CDYL2: variants seen among roughly 807,000 people sequenced by gnomAD.
CDYL2 encodes chromodomain Y-like protein 2.
CDYL2 carries 23 observed loss-of-function variants against 49.4 expected under a neutral mutation model. That is an observed-to-expected ratio of 0.47 (90% confidence interval 0.34 to 0.66). The LOEUF (loss-of-function observed/expected upper bound fraction) is 0.66, where lower values mean the gene tolerates loss of function less well. CDYL2 is among the 30% of genes least tolerant of loss of function. The pLI is 0.01. For missense variants in CDYL2, 678 were observed against 656.4 expected, an observed-to-expected ratio of 1.03 and a Z score of -0.36; for synonymous variants, 360 against 268.8, an observed-to-expected ratio of 1.34 and a Z score of -3.32.
intron 1 of CDYL2, among the ~76,000 whole-genome samples, chr16:80,791,109 T>C (rs1447179444): frequency 3.3e-5 from 5 of 152,210 alleles, no homozygotes; most frequent in Admixed American, 2.6e-4. Flanking sequence ...ATTTCCAAGA[T>C]TCAGCAATCC....
At chr16:80,714,126 ATT>A (rs1904714924) in intron 1 of CDYL2, among the ~76,000 whole-genome samples, 1 of 152,196 alleles carries the variant, frequency 6.6e-6, no homozygotes, top group African/African-American at 2.4e-5. Flanking sequence ...ATATTTATAT[ATT>A]CAAATGTAAA....
intron 2 of CDYL2, among the ~76,000 whole-genome samples, chr16:80,660,223 C>T (rs79470136): frequency 0.013 from 1,902 of 151,730 alleles, 12 homozygotes; most frequent in Middle Eastern, 0.027. Context: ...GAGGAAGACA[C>T]GGGTAAAAAA....
intron 3 of CDYL2, chr16:80,627,472 T>G (rs999500996): frequency 6.6e-6 from 1 of 152,222 alleles, no homozygotes; most frequent in African/African-American, 2.4e-5. Flanking sequence ...AAATTTGCAT[T>G]TTATTGATAC....
intron 2 of CDYL2, among the ~76,000 whole-genome samples, chr16:80,638,126 G>A (rs1907922477): frequency 6.6e-6 from 1 of 151,946 alleles, no homozygotes; most frequent in African/African-American, 2.4e-5. Flanking sequence ...CCAGGCTGGA[G>A]TACAGTGCTG....
chr16:80,681,818 C>T (rs1324965030), intron 2 of CDYL2, among the ~76,000 whole-genome samples: 3 of 152,218 alleles, frequency 2.0e-5, no homozygotes, highest in Admixed American at 6.5e-5. Context: ...TGGCAAGTTT[C>T]AGAGGGAAGC....
intron 1 of CDYL2, among the ~76,000 whole-genome samples, chr16:80,753,406 C>T (rs1052503036): frequency 1.3e-5 from 2 of 152,064 alleles, no homozygotes; most frequent in Non-Finnish European, 2.9e-5. Flanking sequence ...GTCGGGAGTT[C>T]GAGACCAGCC....
Position 80,612,067 on chromosome 16 carries a change from C to T in CDYL2, c.1218+559G>A, listed in dbSNP as rs924656206. Among the ~76,000 whole-genome samples, 1 of 152,232 alleles carries T rather than the reference C, an allele frequency of 6.6e-6. No homozygotes were observed. The highest frequency in any genetic ancestry group is 1.5e-5 in the Non-Finnish European group (1 of 68,034). Reference sequence around the variant, plus strand: ...CTGGACATGCGCTGGGCTGCGTCTCCCGGCCTCCCTTGCAGGCGCATGTGA... The same window carrying T: ...CTGGACATGCGCTGGGCTGCGTCTCTCGGCCTCCCTTGCAGGCGCATGTGA... On this transcript the variant is annotated intron_variant, in intron 5 of 6. Transcript: ENST00000570137. The surrounding 1 kb of genome is among the most constrained non-coding windows in gnomAD (Gnocchi z 5.0).
chr16:80,639,426 G>A (rs2142401912), intron 2 of CDYL2, among the ~76,000 whole-genome samples: 1 of 152,242 alleles, frequency 6.6e-6, no homozygotes, highest in East Asian at 1.9e-4. Context: ...TTTATTCAAA[G>A]CACCAAAAAT....
At chr16:80,701,385 T>C (rs1904300100) in intron 1 of CDYL2, among the ~76,000 whole-genome samples, 3 of 152,190 alleles carry the variant, frequency 2.0e-5, no homozygotes, top group African/African-American at 7.2e-5. Context: ...CTTTCATTTC[T>C]ATTCAAATTC....
chr16:80,738,278 C>T (rs1453521971), intron 1 of CDYL2, among the ~76,000 whole-genome samples: 4 of 152,078 alleles, frequency 2.6e-5, no homozygotes, highest in African/African-American at 7.2e-5. Context: ...GGTGGGCATT[C>T]GGGTTGGTTA....
rs146533486 is a variant in CDYL2 at position 80,654,466 on chromosome 16, G to A, written c.617-21230C>T. ...CAACACCATTCTGGTAATATTTGCTGTCTCTCTAATAACATAATGTCTGAA... is the reference window on the plus strand; with the variant it reads ...CAACACCATTCTGGTAATATTTGCTATCTCTCTAATAACATAATGTCTGAA... On this transcript the variant is annotated intron_variant, in intron 2 of 6. Coordinates refer to ENST00000570137, the MANE Select transcript of CDYL2 (RefSeq NM_152342.4). Among the ~76,000 whole-genome samples, 7 of 152,330 alleles carry A rather than the reference G, an allele frequency of 4.6e-5. No individual in the cohort carries two copies. In the East Asian group the frequency reaches 9.6e-4, roughly 21 times the overall value.
intron 1 of CDYL2, among the ~76,000 whole-genome samples, chr16:80,715,239 G>A (rs1173224197): frequency 2.0e-5 from 3 of 152,152 alleles, no homozygotes; most frequent in African/African-American, 4.8e-5. Context: ...GGGCTCCACA[G>A]CACATGATAC....
At chr16:80,607,206 A>G (rs987212035) in intron 6 of CDYL2, among the ~76,000 whole-genome samples, 5 of 152,168 alleles carry the variant, frequency 3.3e-5, no homozygotes, top group Non-Finnish European at 7.3e-5. Context: ...CCCCGCGAGC[A>G]CTGTCTGTTC....
chr16:80,767,925 G>A (rs1281208065), intron 1 of CDYL2, among the ~76,000 whole-genome samples: 1 of 152,184 alleles, frequency 6.6e-6, no homozygotes, highest in African/African-American at 2.4e-5. Context: ...TAGTGAAAAT[G>A]GCTTCTCTGG....
chr16:80,790,131 T>C (rs1033952135), intron 1 of CDYL2, among the ~76,000 whole-genome samples: 8 of 152,200 alleles, frequency 5.3e-5, no homozygotes, highest in Non-Finnish European at 2.9e-5. Flanking sequence ...ATAAGAAGTA[T>C]CATTTCAACA....
intron 1 of CDYL2, among the ~76,000 whole-genome samples, chr16:80,727,130 C>A (rs181783901): frequency 6.6e-6 from 1 of 152,338 alleles, no homozygotes; most frequent in Non-Finnish European, 1.5e-5. Context: ...CAGTCTACAG[C>A]TCCCAGCGTG....
At chr16:80,672,352 C>CACACACACACACACAGAGAG (rs68130206) in intron 2 of CDYL2, among the ~76,000 whole-genome samples, 10 of 117,770 alleles carry the variant, frequency 8.5e-5, no homozygotes, top group South Asian at 3.1e-4. Flanking sequence ...CACACACACA[C>CACACACACACACACAGAGAG]AGAGAGAGAG....
intron 1 of CDYL2, among the ~76,000 whole-genome samples, chr16:80,688,470 G>T (rs1448127186): frequency 6.6e-6 from 1 of 152,178 alleles, no homozygotes; most frequent in Non-Finnish European, 1.5e-5. Flanking sequence ...ACTACAAGAT[G>T]AATGGATGAC....
intron 1 of CDYL2, among the ~76,000 whole-genome samples, chr16:80,694,710 GAGCAC>G (rs1193686329): frequency 6.6e-6 from 1 of 152,090 alleles, no homozygotes; most frequent in Non-Finnish European, 1.5e-5. Context: ...TACTATCAAT[GAGCAC>G]ATCCAGCAAC....
Sources: allele counts gnomAD v4.1 joint callset (sites outside exome capture counted in the v4.1 genomes callset), GRCh38; gene constraint gnomAD v4.1.1; non-coding constraint Gnocchi (gnomAD v3.1); transcripts MANE v1.5; gene names NCBI Gene and HGNC (gene_info 2026-07-23, HGNC 2026-07-21).